FBN1: variants seen among roughly 807,000 people sequenced by gnomAD.
FBN1 encodes the protein fibrillin-1.
Under a neutral mutation model 365.1 loss-of-function variants are expected in FBN1, and 29 were observed. That is an observed-to-expected ratio of 0.08 (90% CI 0.06 to 0.11). FBN1 has a LOEUF of 0.11. Among genes scored for constraint, FBN1 ranks in the 10% least tolerant of loss-of-function variants. FBN1 has a pLI of 1.00. For missense variants in FBN1, 2,476 were observed against 3,703.2 expected (o/e 0.67, Z 8.60); for synonymous variants, 1,210 against 1,270.5 (o/e 0.95, Z 1.01).
chr15:48,417,448 T>TTTCCTTCCTTCCTTCCTTCCTTCCTTTCC (rs112725437), intron 63 of FBN1, among the ~76,000 whole-genome samples: 1 of 91,446 alleles, frequency 1.1e-5, no homozygotes, highest in African/African-American at 4.5e-5. Flanking sequence ...CCCTCCCTCC[T>TTTCCTTCCTTCCTTCCTTCCTTCCTTTCC]TTCCTTCCTT....
chr15:48,628,498 T>C (rs1203075681), intron 2 of FBN1, among the ~76,000 whole-genome samples: 7 of 152,176 alleles, frequency 4.6e-5, no homozygotes, highest in African/African-American at 1.7e-4. Context: ...ACCTTGACAC[T>C]CACAAAAGAT....
intron 2 of FBN1, among the ~76,000 whole-genome samples, chr15:48,632,746 T>C (rs576126065): frequency 6.6e-6 from 1 of 152,280 alleles, no homozygotes; most frequent in African/African-American, 2.4e-5. Flanking sequence ...AATTATAACA[T>C]ATACCCCAGC....
At position 48,452,682 on chromosome 15, in the gene FBN1, T is replaced by G; in HGVS notation, c.5425A>C (p.Ile1809Leu). The part of the protein sequence containing the change: ...YNDKLLVCED[I>L]DECQNGPVCQ... Reference sequence around the variant, plus strand: ...ACTGGGCCGTTCTGACACTCGTCAATATCTACGAGCAGAAGAGAACTGAAT... The same window carrying G: ...ACTGGGCCGTTCTGACACTCGTCAAGATCTACGAGCAGAAGAGAACTGAAT... The change falls in exon 45 of 66, where the codon ATT (isoleucine) becomes CTT (leucine). Residue 1809 changes from isoleucine (I) to leucine (L), a missense_variant and splice_region_variant. Ile to Leu is a conservative substitution (Grantham distance 5, BLOSUM62 2). This residue lies in a region of FBN1 where 1,780 missense variants were observed against 2,840.8 expected (regional missense o/e 0.63). Coordinates refer to ENST00000316623, the MANE Select transcript of FBN1 (RefSeq NM_000138.5). The G allele has an allele frequency of 6.2e-7, 1 of 1,614,108 alleles. No individual in the cohort carries two copies. The highest frequency in any genetic ancestry group is 1.1e-5 in the South Asian group (1 of 91,076).
chr15:48,487,448 G>C lies in FBN1; in HGVS notation c.3338-11C>G. On this transcript the variant is annotated splice_polypyrimidine_tract_variant and intron_variant, in intron 27 of 65. Transcript: ENST00000316623. ...GACACTCATCAATATCTGCAAAATG[G>C]AAATGACCATGTTAAAGGTGGGGGC... 1 of 1,613,470 alleles carries C rather than the reference G, an allele frequency of 6.2e-7. No homozygotes were observed. Among genetic ancestry groups the C allele is most frequent in the Non-Finnish European group, 8.5e-7 (1 of 1,179,892 alleles).
chr15:48,618,878 C>CTAA (rs1224375951), intron 2 of FBN1, among the ~76,000 whole-genome samples: 1 of 152,168 alleles, frequency 6.6e-6, no homozygotes, highest in African/African-American at 2.4e-5. Flanking sequence ...TTATGAGAAT[C>CTAA]TAATGACTGA....
At chr15:48,580,158 C>A (rs182111100) in intron 6 of FBN1, among the ~76,000 whole-genome samples, 1 of 152,176 alleles carries the variant, frequency 6.6e-6, no homozygotes, top group South Asian at 2.1e-4. Flanking sequence ...AACAGATCCT[C>A]ATACCTACCC....
chr15:48,644,488 T>C, intron 2 of FBN1, 118 bp downstream of exon 2: 2 of 1,435,468 alleles, frequency 1.4e-6, no homozygotes. Context: ...CTAGCACCTC[T>C]AAGGTGCCCC....
rs1566904901 is a variant in FBN1 at position 48,469,083 on chromosome 15, T to TATATATATAAAATATAATATATATTAC, written c.4460-550_4460-549insGTAATATATATTATATTTTATATATAT. On this transcript the variant is annotated intron_variant, in intron 36 of 65. Transcript: ENST00000316623. ...ACTCCGTCTCAAAAAAAAAAAAATATATATATATATAAAATATAATATATA... is the reference window on the plus strand; with the variant it reads ...ACTCCGTCTCAAAAAAAAAAAAATATATATATATAAAATATAATATATATTACATATATATATAAAATATAATATATA... Among the ~76,000 whole-genome samples, 76 of 118,740 alleles carry TATATATATAAAATATAATATATATTAC rather than the reference T, an allele frequency of 6.4e-4. No homozygotes were observed. In the East Asian group the frequency reaches 0.014, roughly 22 times the overall value. 77.9% of individuals were successfully genotyped at this position (118,740 alleles called of 152,430 possible).
intron 6 of FBN1, among the ~76,000 whole-genome samples, chr15:48,580,248 G>A (rs941071530): frequency 3.9e-5 from 6 of 152,094 alleles, no homozygotes; most frequent in Non-Finnish European, 5.9e-5. Context: ...TCAGACAAGC[G>A]TGACATTTGT....
At chr15:48,530,095 T>G (rs1253551596) in intron 8 of FBN1, among the ~76,000 whole-genome samples, 1 of 105,484 alleles carries the variant, frequency 9.5e-6, no homozygotes, top group African/African-American at 3.4e-5. Flanking sequence ...AACTTGAAAA[T>G]GGAGTCTGAA....
At chr15:48,461,443 T>C (rs1326130253) in intron 42 of FBN1, among the ~76,000 whole-genome samples, 1 of 152,210 alleles carries the variant, frequency 6.6e-6, no homozygotes, top group South Asian at 2.1e-4. Context: ...CTTCTATCTA[T>C]CTTTGGAAAA....
intron 4 of FBN1, among the ~76,000 whole-genome samples, chr15:48,606,886 C>T (rs778338704): frequency 3.3e-5 from 5 of 152,212 alleles, no homozygotes; most frequent in Non-Finnish European, 5.9e-5. Context: ...GCTTTGCCCT[C>T]ATAAATGGAT....
In FBN1 at chr15:48,412,714, C is replaced by T. The variant is rs371375126; in HGVS notation, c.8081G>A (p.Arg2694Gln). The T allele has an allele frequency of 7.4e-6, 12 of 1,614,216 alleles. No individual in the cohort carries two copies. Among genetic ancestry groups the T allele is most frequent in the Middle Eastern group, 1.6e-4 (1 of 6,062 alleles). The change falls in exon 65 of 66, where the codon CGA becomes CAA. Residue 2694 changes from arginine to glutamine, a missense_variant. Arg to Gln is a conservative substitution (Grantham distance 43). This residue lies in a region of FBN1 where 1,780 missense variants were observed against 2,840.8 expected (regional missense o/e 0.63). Coordinates refer to ENST00000316623, the MANE Select transcript of FBN1 (RefSeq NM_000138.5). ...ACTGACAGGTGGCTCTGGGTTTCCT[C>T]GGCCCATGCCCATTCCAGAAACACA... is the stretch of plus-strand genomic sequence containing the variant. ...GHCVSGMGMG[R>Q]GNPEPPVSGE...
At chr15:48,536,209 A>G (rs1410180780) in intron 7 of FBN1, among the ~76,000 whole-genome samples, 1 of 152,246 alleles carries the variant, frequency 6.6e-6, no homozygotes, top group Non-Finnish European at 1.5e-5. Flanking sequence ...ATGGGTTTTC[A>G]AAACTTTTCT....
At chr15:48,486,111 G>C (rs994357750) in intron 29 of FBN1, among the ~76,000 whole-genome samples, 4 of 152,232 alleles carry the variant, frequency 2.6e-5, no homozygotes, top group Non-Finnish European at 5.9e-5. Context: ...CACCATGCAT[G>C]ATGTGCCATT....
chr15:48,541,215 T>C (rs1597595710), intron 6 of FBN1, among the ~76,000 whole-genome samples: 1 of 152,188 alleles, frequency 6.6e-6, no homozygotes, highest in East Asian at 1.9e-4. Flanking sequence ...TGACAATCTA[T>C]ATTAGGCATC....
At chr15:48,415,890 G>A in intron 63 of FBN1, 123 bp from the exon 64 acceptor site, 1 of 775,030 alleles carries the variant, frequency 1.3e-6, no homozygotes, top group Non-Finnish European at 2.3e-6. Flanking sequence ...AGGTAAGACA[G>A]GCAGAGGTGG....
chr15:48,525,717 T>G (rs918487577), intron 9 of FBN1, among the ~76,000 whole-genome samples: 2 of 152,130 alleles, frequency 1.3e-5, no homozygotes, highest in Non-Finnish European at 2.9e-5. Context: ...TCTGACAAGA[T>G]GGATTGTAGA....
At chr15:48,601,993 T>C (rs1029695741) in intron 4 of FBN1, among the ~76,000 whole-genome samples, 1 of 152,188 alleles carries the variant, frequency 6.6e-6, no homozygotes. Flanking sequence ...GATCTACTTA[T>C]CAGTCATTCA....
Sources: gnomAD v4.1 joint callset for allele counts (sites outside exome capture counted in the v4.1 genomes callset) on GRCh38, gnomAD v4.1.1 for gene constraint, gnomAD v4.1.1 regional missense constraint, MANE v1.5 for transcripts, NCBI Gene and HGNC (gene_info 2026-07-23, HGNC 2026-07-21) for gene names.